NCALD: variants seen among roughly 807,000 people sequenced by gnomAD.
NCALD encodes the protein neurocalcin-delta.
In NCALD, 10 loss-of-function variants were observed where a neutral mutation model predicts 18.6. That is an observed-to-expected ratio of 0.54 (90% CI 0.33 to 0.91). NCALD has a LOEUF of 0.91. Ranked by LOEUF, NCALD falls within the 40% of genes least tolerant of loss-of-function variation. The probability of loss-of-function intolerance (pLI) is 0.03; values close to 1 mark genes in which losing one functional copy is unlikely to be tolerated. For synonymous variants in NCALD, 88 were observed against 87.4 expected (o/e 1.01, Z -0.04); for missense variants, 184 against 247.6 (o/e 0.74, Z 1.72).
chr8:101,890,194 T>A (rs1816822689), intron 3 of NCALD, among the ~76,000 whole-genome samples: 1 of 152,052 alleles, frequency 6.6e-6, no homozygotes, highest in African/African-American at 2.4e-5. Flanking sequence ...AGAAAAAACA[T>A]AAGCAGAAGA....
intron 1 of NCALD, among the ~76,000 whole-genome samples, chr8:102,105,769 G>C (rs1001473444): frequency 6.6e-6 from 1 of 152,098 alleles, no homozygotes. Flanking sequence ...CTAGAATAGT[G>C]GTTAGAAATC....
chr8:102,053,963 A>G (rs576529655), intron 1 of NCALD, among the ~76,000 whole-genome samples: 20 of 152,126 alleles, frequency 1.3e-4, no homozygotes, highest in Non-Finnish European at 2.5e-4. Context: ...AACGTAGTAG[A>G]ATATGTCAAT....
intron 3 of NCALD, among the ~76,000 whole-genome samples, chr8:101,900,616 T>A (rs2131561901): frequency 6.6e-6 from 1 of 152,148 alleles, no homozygotes; most frequent in South Asian, 2.1e-4. Flanking sequence ...GACCTACAGA[T>A]TCTATTTGAA....
intron 1 of NCALD, among the ~76,000 whole-genome samples, chr8:102,121,612 C>T (rs1244857819): frequency 1.3e-5 from 2 of 152,188 alleles, no homozygotes; most frequent in South Asian, 2.1e-4. Flanking sequence ...ATTCACTGCA[C>T]AACCCTTTCA....
At chr8:101,926,455 C>A (rs564120726) in intron 2 of NCALD, among the ~76,000 whole-genome samples, 1 of 152,284 alleles carries the variant, frequency 6.6e-6, no homozygotes, top group African/African-American at 2.4e-5. Context: ...TTTTATTTGA[C>A]ACTAACCATG....
chr8:101,912,802 T>C (rs1817846820), intron 3 of NCALD, among the ~76,000 whole-genome samples: 1 of 152,234 alleles, frequency 6.6e-6, no homozygotes, highest in Non-Finnish European at 1.5e-5. Flanking sequence ...GACTTGATTT[T>C]CAGCAAACGA....
chr8:102,103,132 AG>A (rs1825341184), intron 1 of NCALD, among the ~76,000 whole-genome samples: 1 of 152,188 alleles, frequency 6.6e-6, no homozygotes, highest in South Asian at 2.1e-4. Flanking sequence ...CTCAGAGGAA[AG>A]GAACCTTGGT....
chr8:102,045,837 G>A (rs989047134), intron 1 of NCALD, among the ~76,000 whole-genome samples: 1 of 151,850 alleles, frequency 6.6e-6, no homozygotes, highest in African/African-American at 2.4e-5. Context: ...TCACCAATTG[G>A]TTGCCACCCA....
At chr8:102,011,710 G>T (rs1298487338) in intron 2 of NCALD, among the ~76,000 whole-genome samples, 2 of 152,118 alleles carry the variant, frequency 1.3e-5, no homozygotes, top group East Asian at 3.9e-4. Context: ...AGCCTCAGAA[G>T]GGACTGCTAC....
intron 4 of NCALD, among the ~76,000 whole-genome samples, chr8:101,847,516 C>T (rs1386916841): frequency 2.0e-5 from 3 of 152,124 alleles, no homozygotes; most frequent in Non-Finnish European, 4.4e-5. Context: ...ATGTCAGCTC[C>T]AGACTCCCCA....
At chr8:101,790,044 A>T (rs184462170) in intron 1 of NCALD, among the ~76,000 whole-genome samples, 2 of 152,316 alleles carry the variant, frequency 1.3e-5, no homozygotes, top group East Asian at 3.9e-4. Context: ...TGTGTCAATG[A>T]TACTTTTCAT....
chr8:102,047,472 G>C (rs1273794617), intron 1 of NCALD, among the ~76,000 whole-genome samples: 1 of 152,204 alleles, frequency 6.6e-6, no homozygotes, highest in Non-Finnish European at 1.5e-5. Context: ...CGCTAGCCAT[G>C]TGTGGTATTG....
intron 1 of NCALD, among the ~76,000 whole-genome samples, chr8:101,723,474 A>G (rs539779632): frequency 6.6e-6 from 1 of 152,326 alleles, no homozygotes; most frequent in East Asian, 1.9e-4. Flanking sequence ...TAAAGTTCCT[A>G]TGAAGAACTT....
intron 2 of NCALD, among the ~76,000 whole-genome samples, chr8:101,928,918 T>C (rs1011112189): frequency 1.3e-5 from 2 of 151,878 alleles, no homozygotes; most frequent in African/African-American, 4.8e-5. Flanking sequence ...GAGGACTGAC[T>C]TGAAAGGGAG....
chr8:102,039,806 T>C (rs1822987544), intron 1 of NCALD, among the ~76,000 whole-genome samples: 2 of 151,966 alleles, frequency 1.3e-5, no homozygotes, highest in Non-Finnish European at 2.9e-5. Context: ...AGATTAATGC[T>C]CCCCCTCAGG....
chr8:101,690,226 G>T (rs1814661814), intron 3 of NCALD: 1 of 984,028 alleles, frequency 1.0e-6, no homozygotes, highest in Admixed American at 6.2e-5. Context: ...GGAGTTGGGG[G>T]ACTGCAAGGC....
At chr8:102,097,248 GAAA>G (rs567859537) in intron 1 of NCALD, among the ~76,000 whole-genome samples, 2 of 151,022 alleles carry the variant, frequency 1.3e-5, no homozygotes, top group African/African-American at 2.4e-5. Flanking sequence ...TAGCACAGGA[GAAA>G]AAAAAATAGT....
intron 2 of NCALD, among the ~76,000 whole-genome samples, chr8:101,973,688 T>C (rs778894129): frequency 3.3e-5 from 5 of 152,128 alleles, no homozygotes; most frequent in Non-Finnish European, 7.4e-5. Context: ...GAGACAGATG[T>C]GTGACCAAGA....
chr8:101,988,168 GA>G (rs1291358795), intron 2 of NCALD, among the ~76,000 whole-genome samples: 14 of 73,716 alleles, frequency 1.9e-4, no homozygotes, highest in South Asian at 4.8e-4. Context: ...AAAAAAAAAA[GA>G]AAAAAAAAAA....
Sources: allele counts gnomAD v4.1 joint callset (sites outside exome capture counted in the v4.1 genomes callset), GRCh38; gene constraint gnomAD v4.1.1; transcripts MANE v1.5; gene names NCBI Gene and HGNC (gene_info 2026-07-23, HGNC 2026-07-21).